The following DLGAP2 variants were observed in gnomAD, a reference collection of about 807,000 sequenced individuals.
DLGAP2 encodes the protein disks large-associated protein 2.
DLGAP2 carries 26 observed loss-of-function variants against 100.3 expected under a neutral mutation model. The ratio of observed to expected loss-of-function variants is 0.26; its 90% CI spans 0.19 to 0.36. DLGAP2 has a LOEUF of 0.36. Among genes scored for constraint, DLGAP2 ranks in the 10% least tolerant of loss-of-function variants. DLGAP2 has a pLI of 1.00. For synonymous variants in DLGAP2, 886 were observed against 630.1 expected, an observed-to-expected ratio of 1.41 and a Z score of -6.08; for missense variants, 1,858 against 1,453.2, an observed-to-expected ratio of 1.28 and a Z score of -4.53.
intron 4 of DLGAP2, among the ~76,000 whole-genome samples, chr8:1,502,993 A>T (rs1169863328): frequency 6.6e-6 from 1 of 152,114 alleles, no homozygotes; most frequent in Non-Finnish European, 1.5e-5. Context: ...TGGGGAGGCC[A>T]GCTTTGCCTG....
chr8:1,301,916 G>A (rs1585238393), intron 3 of DLGAP2: 1 of 152,390 alleles, frequency 6.6e-6, no homozygotes, highest in Non-Finnish European at 1.5e-5. Context: ...AAGGTCCCAG[G>A]GAGGGGGGAG....
rs374656209 is a variant in DLGAP2, at chr8:1,697,290, G to A, written c.2940G>A (p.Pro980=). 115 of 1,604,230 alleles carry A rather than the reference G, an allele frequency of 7.2e-5. No individual in the cohort carries two copies. Among genetic ancestry groups the A allele is most frequent in the Middle Eastern group, 3.3e-4 (2 of 6,018 alleles). The change falls in exon 14 of 15, where the codon CCG becomes CCA. Residue 980 remains proline (P), a synonymous_variant. Transcript: ENST00000637795. ...ACGACTGGAAGATGATGGAGTCCCCGGAAAGAAAGGTAAGGGCATCCATGC... is the reference window on the plus strand; with the variant it reads ...ACGACTGGAAGATGATGGAGTCCCCAGAAAGAAAGGTAAGGGCATCCATGC... ...RLNDWKMMES[P]ERKEERKVPP...
chr8:1,354,532 AAAG>A (rs1221280995), intron 3 of DLGAP2, among the ~76,000 whole-genome samples: 2 of 152,210 alleles, frequency 1.3e-5, no homozygotes, highest in Non-Finnish European at 2.9e-5. Flanking sequence ...GAAAGAACGA[AAAG>A]AAAATACCTT....
At chr8:1,543,161 A>G (rs1563210820) in intron 4 of DLGAP2, among the ~76,000 whole-genome samples, 1 of 152,124 alleles carries the variant, frequency 6.6e-6, no homozygotes. Context: ...TGGCCTTTGC[A>G]TTTTTTTGAT....
intron 2 of DLGAP2, among the ~76,000 whole-genome samples, chr8:1,047,253 G>T (rs1384412581): frequency 6.6e-6 from 1 of 152,198 alleles, no homozygotes; most frequent in Non-Finnish European, 1.5e-5. Flanking sequence ...AACCTTTGCG[G>T]TCTGGTTTCT....
rs189141976 is a variant in DLGAP2, at chr8:1,309,771, A to G, written c.106+50888A>G. ...ATGCATAAAAGATAAGTGTACGTCT[A>G]TGTTACCGTGCACTCAATGTGTAAA... On this transcript the variant is annotated intron_variant, in intron 3 of 14. Transcript: ENST00000637795. Among the ~76,000 whole-genome samples, 481 of 152,330 alleles carry G rather than the reference A, an allele frequency of 3.2e-3. 2 individuals carry two copies. The highest frequency in any genetic ancestry group is 0.011 in the African/African-American group (440 of 41,578).
chr8:1,169,314 G>T (rs964302731), intron 2 of DLGAP2, among the ~76,000 whole-genome samples: 3 of 152,142 alleles, frequency 2.0e-5, no homozygotes, highest in South Asian at 2.1e-4. Flanking sequence ...GTCAGGTAGC[G>T]TGATGCCTCC....
chr8:773,584 G>A (rs1821425458), intron 1 of DLGAP2, among the ~76,000 whole-genome samples: 1 of 147,728 alleles, frequency 6.8e-6, no homozygotes, highest in Non-Finnish European at 1.5e-5. Flanking sequence ...ACCTATGAGT[G>A]AGAATATGCG....
chr8:886,157 G>A (rs1452618538), intron 1 of DLGAP2, among the ~76,000 whole-genome samples: 2 of 152,092 alleles, frequency 1.3e-5, no homozygotes, highest in Non-Finnish European at 2.9e-5. Context: ...AATCTATCCA[G>A]TTATTTTAGA....
chr8:1,314,742 G>A (rs1405183445), intron 3 of DLGAP2, among the ~76,000 whole-genome samples: 3 of 152,190 alleles, frequency 2.0e-5, no homozygotes, highest in East Asian at 3.9e-4. Context: ...GACTTTCGGG[G>A]GTCTCCCTAT....
At chr8:1,529,298 G>C (rs1290266483) in intron 4 of DLGAP2, among the ~76,000 whole-genome samples, 1 of 152,186 alleles carries the variant, frequency 6.6e-6, no homozygotes, top group South Asian at 2.1e-4. Context: ...CAGCCCCCAG[G>C]ATTCAATGAC....
chr8:1,466,055 C>T (rs17681143), intron 3 of DLGAP2, among the ~76,000 whole-genome samples: 22,359 of 152,114 alleles, frequency 0.15, 1,894 homozygotes, highest in South Asian at 0.26. Context: ...TTGCATCCAT[C>T]GTGACAGCGC....
At chr8:1,231,252 A>G (rs570593975) in intron 2 of DLGAP2, among the ~76,000 whole-genome samples, 3 of 152,346 alleles carry the variant, frequency 2.0e-5, no homozygotes, top group African/African-American at 7.2e-5. Context: ...CCATATCTCT[A>G]ATTGTTATAG....
intron 2 of DLGAP2, among the ~76,000 whole-genome samples, chr8:1,128,230 G>A (rs1375272065): frequency 6.7e-6 from 1 of 148,150 alleles, no homozygotes; most frequent in African/African-American, 2.5e-5. Context: ...TGTTGTGTTC[G>A]GTGAGGACCT....
chr8:900,480 G>T (rs2128997284), intron 1 of DLGAP2, among the ~76,000 whole-genome samples: 1 of 152,302 alleles, frequency 6.6e-6, no homozygotes, highest in South Asian at 2.1e-4. Context: ...TGGAGGTGGT[G>T]GTCTTGCCGG....
chr8:1,542,213 C>T (rs187690013), intron 4 of DLGAP2, among the ~76,000 whole-genome samples: 1 of 152,228 alleles, frequency 6.6e-6, no homozygotes, highest in Non-Finnish European at 1.5e-5. Context: ...TGTCTTCCTT[C>T]ATCACATGCG....
At chr8:1,420,520 C>G (rs1219143028) in intron 3 of DLGAP2, among the ~76,000 whole-genome samples, 1 of 152,296 alleles carries the variant, frequency 6.6e-6, no homozygotes, top group East Asian at 1.9e-4. Context: ...CTATGCATGT[C>G]ACTATCCTAC....
intron 3 of DLGAP2, among the ~76,000 whole-genome samples, chr8:1,274,970 C>T (rs1281218467): frequency 1.3e-5 from 2 of 152,142 alleles, no homozygotes; most frequent in African/African-American, 2.4e-5. Context: ...CTGCCTGCTG[C>T]TGTGTCCGCA....
At chr8:1,439,086 C>A (rs1308496339) in intron 3 of DLGAP2, among the ~76,000 whole-genome samples, 1 of 152,182 alleles carries the variant, frequency 6.6e-6, no homozygotes, top group African/African-American at 2.4e-5. Flanking sequence ...AGAGAACGCA[C>A]ATGCTGGGCT....
Sources: allele counts gnomAD v4.1 joint callset (sites outside exome capture counted in the v4.1 genomes callset), GRCh38; gene constraint gnomAD v4.1.1; transcripts MANE v1.5; gene names NCBI Gene and HGNC (gene_info 2026-07-23, HGNC 2026-07-21).